The following NCALD variants were observed in gnomAD, a reference collection of about 807,000 sequenced individuals.
NCALD encodes the protein neurocalcin delta.
In NCALD, 10 loss-of-function variants were observed where a neutral mutation model predicts 18.6. The observed-to-expected ratio is 0.54, with a 90% CI of 0.33 to 0.91. The LOEUF is 0.91. NCALD is among the 40% of genes least tolerant of loss of function. The pLI, the probability that NCALD is intolerant of heterozygous loss-of-function variation, is 0.03. For synonymous variants in NCALD, 88 were observed against 87.4 expected (o/e 1.01, Z -0.04); for missense variants, 184 against 247.6 (o/e 0.74, Z 1.72).
intron 3 of NCALD, among the ~76,000 whole-genome samples, chr8:101,904,723 A>C (rs946438509): frequency 2.6e-5 from 4 of 152,074 alleles, no homozygotes; most frequent in Non-Finnish European, 5.9e-5. Flanking sequence ...CTCTTCCTAT[A>C]TTTACTCCAA....
chr8:102,062,650 G>T (rs1235012195), intron 1 of NCALD, among the ~76,000 whole-genome samples: 1 of 152,194 alleles, frequency 6.6e-6, no homozygotes, highest in African/African-American at 2.4e-5. Context: ...CAGATCTGTC[G>T]GTTGGCTAGA....
chr8:101,932,590 C>T (rs1217054594), intron 2 of NCALD, among the ~76,000 whole-genome samples: 1 of 152,056 alleles, frequency 6.6e-6, no homozygotes, highest in East Asian at 1.9e-4. Flanking sequence ...CCACAGCTTT[C>T]TTTAAAGAAA....
At chr8:101,880,033 C>A (rs1816416374) in intron 4 of NCALD, among the ~76,000 whole-genome samples, 1 of 132,422 alleles carries the variant, frequency 7.6e-6, no homozygotes, top group Non-Finnish European at 1.6e-5. Flanking sequence ...GAGCAGAGGG[C>A]TGCGCTAGTC....
chr8:102,055,734 A>G (rs560091121), intron 1 of NCALD, among the ~76,000 whole-genome samples: 1 of 152,330 alleles, frequency 6.6e-6, no homozygotes, highest in Admixed American at 6.5e-5. Context: ...TAAACACAAA[A>G]CACACAATTG....
chr8:101,873,966 C>G (rs1215937904), intron 4 of NCALD, among the ~76,000 whole-genome samples: 2 of 152,210 alleles, frequency 1.3e-5, no homozygotes, highest in Non-Finnish European at 2.9e-5. Context: ...CTAAAGCCTA[C>G]AAAGGTCACA....
chr8:101,957,291 T>TTG lies in NCALD; in HGVS notation c.-156-41434_-156-41433insCA, dbSNP rs1819666926. 3.3e-4 allele frequency among the ~76,000 whole-genome samples: 19 copies of TTG among 58,040 alleles called. No homozygotes were observed. The South Asian group carries it at 0.011, about 34-fold the overall frequency. The allele number at this position is 58,040 out of a possible 152,430, so 38.1% of individuals were successfully genotyped here. A position where few individuals can be genotyped will look rare whatever the true frequency, so the allele number is the denominator to read the frequency against. ...GGGTAGTAAAAAGAAAAGTTGGGGT[T>TTG]TTTTTTTTTTTTTTTTTTTTTTTAG... On this transcript the variant is annotated intron_variant, in intron 2 of 6. Coordinates refer to the NCALD transcript ENST00000311028.
At chr8:102,112,129 GATT>G in intron 1 of NCALD, among the ~76,000 whole-genome samples, 1 of 152,142 alleles carries the variant, frequency 6.6e-6, no homozygotes, top group Non-Finnish European at 1.5e-5. Flanking sequence ...CCTTGTATGA[GATT>G]ATTTTCTGAA....
chr8:101,996,712 A>G lies in NCALD; in HGVS notation c.-157+23525T>C, dbSNP rs139186808. On this transcript the variant is annotated intron_variant, in intron 2 of 6. Transcript: ENST00000311028. ...GGAAAAGGAAGGATGTATCTTTCAG[A>G]GCTAGAAGAGACAACCATGGCAACT... 5.9e-5 allele frequency among the ~76,000 whole-genome samples: 9 copies of G among 152,338 alleles called. No individual in the cohort carries two copies. The East Asian group carries it at 1.7e-3, about 29-fold the overall frequency.
At chr8:101,909,698 G>A (rs1320483961) in intron 3 of NCALD, among the ~76,000 whole-genome samples, 1 of 152,084 alleles carries the variant, frequency 6.6e-6, no homozygotes, top group Non-Finnish European at 1.5e-5. Context: ...ACTTGCCCAA[G>A]GCTAAACAGC....
Position 102,106,570 on chromosome 8 carries a change from G to A in NCALD, c.-210+17667C>T, listed in dbSNP as rs933005258. Among the ~76,000 whole-genome samples the A allele has an allele frequency of 5.3e-5, 8 of 152,032 alleles. No individual in the cohort carries two copies. In the East Asian group the frequency reaches 9.7e-4, roughly 18 times the overall value. ...CCTGTTCTCATCCTTATCCTGCAGC[G>A]TGCCCTGATCCTCTAGGGTCCTGCA... On this transcript the variant is annotated intron_variant, in intron 1 of 6. Transcript: ENST00000311028.
chr8:101,855,233 C>T (rs2131346279), intron 4 of NCALD, among the ~76,000 whole-genome samples: 1 of 152,238 alleles, frequency 6.6e-6, no homozygotes, highest in Non-Finnish European at 1.5e-5. Flanking sequence ...GAGGATAATA[C>T]CCCATCCCCT....
At chr8:101,851,954 A>C (rs1815109658) in intron 4 of NCALD, among the ~76,000 whole-genome samples, 1 of 152,126 alleles carries the variant, frequency 6.6e-6, no homozygotes, top group South Asian at 2.1e-4. Flanking sequence ...TGCCCTTATA[A>C]AACTGGATGA....
chr8:101,842,365 A>G (rs1209860988), intron 4 of NCALD, among the ~76,000 whole-genome samples: 1 of 152,230 alleles, frequency 6.6e-6, no homozygotes, highest in Non-Finnish European at 1.5e-5. Context: ...AAGAAGAGGA[A>G]GAAAGGGAGA....
intron 2 of NCALD, among the ~76,000 whole-genome samples, chr8:101,937,555 A>G (rs1416693010): frequency 6.6e-6 from 1 of 152,222 alleles, no homozygotes; most frequent in East Asian, 1.9e-4. Flanking sequence ...CCCATGGTGT[A>G]TCACATTTTC....
At chr8:101,872,111 T>C in intron 4 of NCALD, 1 of 1,600,252 alleles carries the variant, frequency 6.2e-7, no homozygotes, top group Non-Finnish European at 8.5e-7. Flanking sequence ...TTGGCTTTGA[T>C]AAATTTGACA....
chr8:102,110,630 C>T (rs138233122), intron 1 of NCALD, among the ~76,000 whole-genome samples: 219 of 152,240 alleles, frequency 1.4e-3, no homozygotes, highest in African/African-American at 5.0e-3. Flanking sequence ...AAGATGAAAT[C>T]GACACAGTCT....
intron 2 of NCALD, 88 bp from the exon 3 acceptor site, chr8:101,692,984 A>AG (rs1451113162): frequency 1.1e-6 from 1 of 944,478 alleles, no homozygotes. Flanking sequence ...TGCGGGCTGA[A>AG]GGGAATGTCC....
chr8:101,840,116 TAAA>T (rs61620684), intron 4 of NCALD, among the ~76,000 whole-genome samples: 2 of 129,004 alleles, frequency 1.6e-5, no homozygotes, highest in African/African-American at 5.6e-5. Context: ...AGCAACAAAA[TAAA>T]AAAAAAAAAA....
chr8:102,090,782 C>T (rs1263174842), intron 1 of NCALD, among the ~76,000 whole-genome samples: 1 of 152,106 alleles, frequency 6.6e-6, no homozygotes, highest in Non-Finnish European at 1.5e-5. Context: ...TTAATTATGG[C>T]AATACAGTTA....
Sources: gnomAD v4.1 joint callset for allele counts (sites outside exome capture counted in the v4.1 genomes callset) on GRCh38, gnomAD v4.1.1 for gene constraint, MANE v1.5 for transcripts, NCBI Gene and HGNC (gene_info 2026-07-23, HGNC 2026-07-21) for gene names.